The following ATRNL1 variants were observed in gnomAD, a reference collection of about 807,000 sequenced individuals.
The protein encoded by ATRNL1 is attractin like 1, also known as attractin-like protein 1.
ATRNL1 carries 95 observed loss-of-function variants against 182.7 expected under a neutral mutation model. The observed-to-expected ratio is 0.52, with a 90% CI of 0.44 to 0.62. ATRNL1 has a LOEUF of 0.62. Among genes scored for constraint, ATRNL1 ranks in the 20% least tolerant of loss-of-function variants. The pLI is 0.00. For synonymous variants in ATRNL1, 576 were observed against 568.3 expected, an observed-to-expected ratio of 1.01 and a Z score of -0.19; for missense variants, 1,471 against 1,679.5, an observed-to-expected ratio of 0.88 and a Z score of 2.17.
At chr10:115,780,978 T>A (rs1348392778) in intron 27 of ATRNL1, among the ~76,000 whole-genome samples, 1 of 152,102 alleles carries the variant, frequency 6.6e-6, no homozygotes, top group Admixed American at 6.5e-5. Context: ...CTCATATACA[T>A]CTATATATGT....
At chr10:115,751,519 C>G (rs570105958) in intron 27 of ATRNL1, among the ~76,000 whole-genome samples, 169 of 152,098 alleles carry the variant, frequency 1.1e-3, no homozygotes, top group Admixed American at 2.0e-3. Context: ...GAGAATTTTG[C>G]TATATTTACA....
chr10:115,663,877 T>C (rs529448540), intron 26 of ATRNL1, among the ~76,000 whole-genome samples: 1 of 152,218 alleles, frequency 6.6e-6, no homozygotes, highest in East Asian at 1.9e-4. Flanking sequence ...CATGAATCTC[T>C]ATGCCCTGTG....
At chr10:115,414,622 A>G (rs1554960548) in intron 20 of ATRNL1, among the ~76,000 whole-genome samples, 1 of 151,944 alleles carries the variant, frequency 6.6e-6, no homozygotes, top group Non-Finnish European at 1.5e-5. Context: ...CCAGTAGGTA[A>G]CCAATTTTAT....
chr10:115,627,602 G>A (rs139457504), intron 26 of ATRNL1, among the ~76,000 whole-genome samples: 40 of 152,220 alleles, frequency 2.6e-4, no homozygotes, highest in African/African-American at 7.0e-4. Flanking sequence ...CTGACCTCAA[G>A]TGATGCGCTC....
intron 8 of ATRNL1, among the ~76,000 whole-genome samples, chr10:115,205,657 A>G (rs913638803): frequency 6.6e-6 from 1 of 151,976 alleles, no homozygotes; most frequent in Non-Finnish European, 1.5e-5. Context: ...TGATTGCTCC[A>G]TAAATTAAAA....
At chr10:115,101,507 A>C (rs923565944) in intron 1 of ATRNL1, among the ~76,000 whole-genome samples, 1 of 152,186 alleles carries the variant, frequency 6.6e-6, no homozygotes, top group East Asian at 1.9e-4. Context: ...AATTATGTAC[A>C]TAATTTTTGA....
At position 115,846,803 on chromosome 10, in the gene ATRNL1, G is replaced by C. The variant is rs1248013325; in HGVS notation, c.3904-1074G>C. ...TCATAAGCCTGCATTGTGTGATTAA[G>C]AATGTGAACTCAGGAGGCAGCCTGC... On this transcript the variant is annotated intron_variant, in intron 27 of 28. Coordinates refer to ENST00000355044, the MANE Select transcript of ATRNL1 (RefSeq NM_207303.4). Among the ~76,000 whole-genome samples, 9 of 152,114 alleles carry C rather than the reference G, an allele frequency of 5.9e-5. No individual in the cohort carries two copies. The East Asian group carries it at 1.7e-3, about 29-fold the overall frequency.
chr10:115,647,486 G>A (rs150016058), intron 26 of ATRNL1, among the ~76,000 whole-genome samples: 43,440 of 151,846 alleles, frequency 0.29, 7,118 homozygotes, highest in East Asian at 0.58. Flanking sequence ...TTTGATGATC[G>A]CCATTCTAAC....
chr10:115,200,291 T>C (rs1246031833), intron 8 of ATRNL1, among the ~76,000 whole-genome samples: 6 of 149,900 alleles, frequency 4.0e-5, no homozygotes, highest in Non-Finnish European at 8.9e-5. Context: ...GTTAGTTACA[T>C]ATGTATACAT....
intron 18 of ATRNL1, among the ~76,000 whole-genome samples, chr10:115,331,919 A>G (rs1364933030): frequency 2.0e-5 from 3 of 152,184 alleles, no homozygotes; most frequent in African/African-American, 7.2e-5. Flanking sequence ...TAGACCATCC[A>G]TCTGACATTG....
intron 27 of ATRNL1, among the ~76,000 whole-genome samples, chr10:115,777,574 T>A (rs1243593312): frequency 2.0e-5 from 3 of 152,154 alleles, no homozygotes; most frequent in Non-Finnish European, 4.4e-5. Context: ...TTAAGATAAG[T>A]TTTACTAAAT....
At chr10:115,219,231 C>CA (rs78580406) in intron 9 of ATRNL1, among the ~76,000 whole-genome samples, 3,009 of 60,132 alleles carry the variant, frequency 0.05, 46 homozygotes, top group African/African-American at 0.075. Flanking sequence ...GACTCCATCT[C>CA]AAAAAAAAAA....
chr10:115,410,833 G>A (rs1053177848), intron 20 of ATRNL1, among the ~76,000 whole-genome samples: 2 of 152,044 alleles, frequency 1.3e-5, no homozygotes, highest in African/African-American at 4.8e-5. Flanking sequence ...TGCCTCGTGG[G>A]TTCAAGTGAT....
intron 27 of ATRNL1, among the ~76,000 whole-genome samples, chr10:115,780,394 G>A (rs1392478179): frequency 1.3e-5 from 2 of 152,166 alleles, no homozygotes; most frequent in African/African-American, 2.4e-5. Context: ...CCGTGAGGAC[G>A]GCAACTCCTA....
intron 25 of ATRNL1, among the ~76,000 whole-genome samples, chr10:115,549,089 A>T (rs1554994728): frequency 6.6e-6 from 1 of 152,094 alleles, no homozygotes; most frequent in Non-Finnish European, 1.5e-5. Flanking sequence ...ATATAAATGT[A>T]CATGTGTGAC....
At chr10:115,569,374 A>G (rs1555002792) in intron 26 of ATRNL1, among the ~76,000 whole-genome samples, 2 of 152,188 alleles carry the variant, frequency 1.3e-5, no homozygotes, top group African/African-American at 4.8e-5. Context: ...GATAAATTCC[A>G]AATGGGATTG....
intron 25 of ATRNL1, among the ~76,000 whole-genome samples, chr10:115,545,739 C>A (rs1408972158): frequency 6.6e-6 from 1 of 152,122 alleles, no homozygotes; most frequent in Non-Finnish European, 1.5e-5. Context: ...GTTGTATCTA[C>A]TGAATATAAG....
intron 14 of ATRNL1, among the ~76,000 whole-genome samples, chr10:115,282,211 C>T (rs1852399157): frequency 7.0e-6 from 1 of 142,604 alleles, no homozygotes; most frequent in Admixed American, 7.1e-5. Flanking sequence ...ATATATTATC[C>T]TATATAATAT....
chr10:115,521,299 C>T (rs971941895), intron 25 of ATRNL1, among the ~76,000 whole-genome samples: 4 of 152,020 alleles, frequency 2.6e-5, no homozygotes, highest in Non-Finnish European at 5.9e-5. Flanking sequence ...ATTACAGGCA[C>T]GTGCCACCAC....
Sources: allele counts gnomAD v4.1 joint callset (sites outside exome capture counted in the v4.1 genomes callset), GRCh38; gene constraint gnomAD v4.1.1; transcripts MANE v1.5; gene names NCBI Gene and HGNC (gene_info 2026-07-23, HGNC 2026-07-21).